The following HOXA3 variants were observed in gnomAD, a reference collection of about 807,000 sequenced individuals.
HOXA3 encodes the protein homeobox protein Hox-A3.
A neutral mutation model predicts 30.3 loss-of-function variants in HOXA3; 8 were observed. That is an observed-to-expected ratio of 0.26 (90% CI 0.15 to 0.48). The LOEUF is 0.48. HOXA3 is among the 20% of genes least tolerant of loss of function. HOXA3 has a pLI of 0.99. For missense variants in HOXA3, 653 were observed against 614.4 expected, an observed-to-expected ratio of 1.06 and a Z score of -0.66; for synonymous variants, 323 against 273.1, an observed-to-expected ratio of 1.18 and a Z score of -1.80.
Position 27,108,791 on chromosome 7 carries a change from G to T in HOXA3, c.527-71C>A. 1 of 1,172,734 alleles carries T rather than the reference G, an allele frequency of 8.5e-7. No homozygotes were observed. Among genetic ancestry groups the T allele is most frequent in the Non-Finnish European group, 1.2e-6 (1 of 861,800 alleles). The allele number at this position is 1,172,734 out of a possible 1,614,324, so 72.6% of individuals were successfully genotyped here. A position where few individuals can be genotyped will look rare whatever the true frequency, so the allele number is the denominator to read the frequency against. On this transcript the variant is annotated intron_variant, in intron 5 of 5. Transcript: ENST00000612286. This position sits in a 1 kb window ranked among gnomAD's most constrained non-coding sequence, Gnocchi z 5.0. ...CCCCGCCCAGCCCCTGACCCAGCCC[G>T]GCCCCTCCTTCCACCAGGCCCCAAA...
At chr7:27,131,187 G>A (rs1785548466) in intron 2 of HOXA3, among the ~76,000 whole-genome samples, 2 of 152,186 alleles carry the variant, frequency 1.3e-5, no homozygotes, top group South Asian at 4.1e-4. Context: ...GCTGTCTGGC[G>A]GCCGCGACTC....
intron 5 of HOXA3, 146 bp downstream of exon 5, chr7:27,109,969 T>C (rs747594091): frequency 1.2e-5 from 12 of 1,008,196 alleles, no homozygotes; most frequent in Non-Finnish European, 1.6e-5. Flanking sequence ...GCAAAGACTA[T>C]GAAAACCTTT....
chr7:27,135,369 T>A (rs945901982), intron 2 of HOXA3, among the ~76,000 whole-genome samples: 2 of 152,118 alleles, frequency 1.3e-5, no homozygotes, highest in African/African-American at 4.8e-5. Context: ...GGTTTAATAA[T>A]AAACATTAAA....
chr7:27,110,572 C>T lies in HOXA3; in HGVS notation c.69G>A (p.Gly23=), dbSNP rs377605455. The change falls in exon 5 of 6, where the codon GGG becomes GGA. Residue 23 remains glycine, a synonymous_variant. Transcript: ENST00000612286. ...YGGYPYQAAN[G]FAYNANQQPY... Reference sequence around the variant, plus strand: ...GCTGCTGATTGGCATTATAAGCGAACCCGTTGGCTGCCTGGTAGGGGTAGC... The same window carrying T: ...GCTGCTGATTGGCATTATAAGCGAATCCGTTGGCTGCCTGGTAGGGGTAGC... 1.2e-4 allele frequency: 200 copies of T among 1,607,276 alleles called. 1 individual carries two copies. The South Asian group carries it at 2.0e-3, about 16-fold the overall frequency.
rs1408087055 is a variant in HOXA3 at position 27,113,230 on chromosome 7, A to C, written c.-120-2470T>G. On this transcript the variant is annotated intron_variant, in intron 4 of 5. Coordinates refer to ENST00000612286, the MANE Select transcript of HOXA3 (RefSeq NM_153631.3). The surrounding 1 kb of genome is among the most constrained non-coding windows in gnomAD (Gnocchi z 4.8). ...GAGTTGAAGAGGCTAAATTGAGTGCAAGAAGCAAGCCCTATTGTCTCTCTG... is the reference window on the plus strand; with the variant it reads ...GAGTTGAAGAGGCTAAATTGAGTGCCAGAAGCAAGCCCTATTGTCTCTCTG... Among the ~76,000 whole-genome samples the C allele has an allele frequency of 1.3e-5, 2 of 152,236 alleles. No individual in the cohort carries two copies. Among genetic ancestry groups the C allele is most frequent in the Non-Finnish European group, 2.9e-5 (2 of 68,052 alleles).
chr7:27,140,359 T>C (rs954791894), intron 1 of HOXA3, 173 bp from the exon 2 acceptor site: 12 of 152,206 alleles, frequency 7.9e-5, no homozygotes, highest in African/African-American at 2.9e-4. Context: ...ATCTAATTCA[T>C]AGACAAAACC....
intron 4 of HOXA3, among the ~76,000 whole-genome samples, chr7:27,119,904 T>C (rs200825483): frequency 1.3e-5 from 2 of 152,278 alleles, no homozygotes; most frequent in East Asian, 3.9e-4. Flanking sequence ...AGAACCTCCA[T>C]GTGAACTTTT....
At position 27,112,132 on chromosome 7, in the gene HOXA3, A is replaced by C. The variant is rs555006190; in HGVS notation, c.-120-1372T>G. Among the ~76,000 whole-genome samples the C allele has an allele frequency of 5.1e-4, 77 of 152,358 alleles. 2 individuals carry two copies. Among genetic ancestry groups the C allele is most frequent in the Non-Finnish European group, 1.0e-3 (68 of 68,032 alleles). ...TTTTGTTTTCAACCACTGCATGGTC[A>C]ACCTCTAGTTCTCAGCACAGAAAAG... On this transcript the variant is annotated intron_variant, in intron 4 of 5. Coordinates refer to ENST00000612286, the MANE Select transcript of HOXA3 (RefSeq NM_153631.3).
intron 1 of HOXA3, chr7:27,147,745 C>A: frequency 1.9e-6 from 3 of 1,604,760 alleles, no homozygotes; most frequent in Non-Finnish European, 2.5e-6. Flanking sequence ...AAAATAGGAA[C>A]TCATTTGCGC....
chr7:27,122,848 T>A (rs1331061169), intron 3 of HOXA3: 1 of 152,230 alleles, frequency 6.6e-6, no homozygotes, highest in African/African-American at 2.4e-5. Flanking sequence ...TGGTGATTTA[T>A]TTTTGTAAAA....
intron 5 of HOXA3, 157 bp downstream of exon 5, chr7:27,109,958 T>C: frequency 1.2e-6 from 1 of 855,182 alleles, no homozygotes; most frequent in Non-Finnish European, 1.8e-6. Flanking sequence ...CTCCCTAAGT[T>C]GCAAAGACTA....
chr7:27,141,858 C>T, intron 1 of HOXA3: 1 of 1,614,192 alleles, frequency 6.2e-7, no homozygotes, highest in Non-Finnish European at 8.5e-7. Flanking sequence ...GCCCCTCCTG[C>T]CGCGGCCATG....
chr7:27,108,345 G>C lies in HOXA3; in HGVS notation c.902C>G (p.Pro301Arg). Residue 301 changes from proline to arginine, a missense_variant, in exon 6 of 6, where the codon CCC becomes CGC. Physicochemically the swap from Pro to Arg is moderately radical, Grantham distance 103. This residue lies in a region of HOXA3 where 330 missense variants were observed against 274.4 expected (regional missense o/e 1.20). Transcript: ENST00000612286. The surrounding 1 kb of genome is among the most constrained non-coding windows in gnomAD (Gnocchi z 5.0). Reference protein sequence around the residue: ...PQSPPPFSKPPQGTYGLPPAS... With the variant: ...PQSPPPFSKPRQGTYGLPPAS... ...GGGGGGCAGCCCGTAGGTACCCTGG[G>C]GGGGCTTGGAGAAGGGCGGGGGCGA... is the stretch of plus-strand genomic sequence containing the variant. The C allele has an allele frequency of 1.3e-6, 2 of 1,518,512 alleles. No individual in the cohort carries two copies. Among genetic ancestry groups the C allele is most frequent in the Non-Finnish European group, 1.8e-6 (2 of 1,118,440 alleles). The allele number at this position is 1,518,512 out of a possible 1,614,324, so 94.1% of individuals were successfully genotyped here.
chr7:27,108,895 C>A lies in HOXA3; in HGVS notation c.527-175G>T, dbSNP rs1784198320. On this transcript the variant is annotated intron_variant, in intron 5 of 5. Transcript: ENST00000612286. This position sits in a 1 kb window ranked among gnomAD's most constrained non-coding sequence, Gnocchi z 5.0. ...TCTCCTGGTGGGTAAAACAGTGATACTCCCTCATTTAGCCAAGGAGCAAAT... is the reference window on the plus strand; with the variant it reads ...TCTCCTGGTGGGTAAAACAGTGATAATCCCTCATTTAGCCAAGGAGCAAAT... Among the ~76,000 whole-genome samples, 3 of 152,028 alleles carry A rather than the reference C, an allele frequency of 2.0e-5. No homozygotes were observed. Among genetic ancestry groups the A allele is most frequent in the African/African-American group, 7.3e-5 (3 of 41,376 alleles).
chr7:27,126,041 A>G (rs1562720305), intron 3 of HOXA3, among the ~76,000 whole-genome samples: 4 of 152,164 alleles, frequency 2.6e-5, no homozygotes, highest in South Asian at 2.1e-4. Context: ...TAATCTTCCC[A>G]TGGCTCCATC....
rs1050271 is a variant in HOXA3 at position 27,130,662 on chromosome 7, C to A, written c.-389-3592G>T. The A allele has an allele frequency of 2.5e-6, 4 of 1,605,920 alleles. No homozygotes were observed. In the African/African-American group the frequency reaches 4.0e-5, roughly 16 times the overall value. Reference sequence around the variant, plus strand: ...CTGCGCCGCCCGAGCCGCTGTGCTGCGCGTACTCCTCGAAGGGAGGGAACT... The same window carrying A: ...CTGCGCCGCCCGAGCCGCTGTGCTGAGCGTACTCCTCGAAGGGAGGGAACT... On this transcript the variant is annotated intron_variant, in intron 2 of 5. Transcript: ENST00000612286.
chr7:27,147,203 A>T, intron 1 of HOXA3: 6 of 1,144,460 alleles, frequency 5.2e-6, no homozygotes, highest in Non-Finnish European at 7.4e-6. Context: ...TGGTTCTTTC[A>T]TCCTTTCTTT....
intron 2 of HOXA3, chr7:27,134,152 C>G (rs914030285): frequency 1.3e-5 from 2 of 152,216 alleles, no homozygotes; most frequent in Non-Finnish European, 2.9e-5. Flanking sequence ...GGCAGAATTT[C>G]AAAACGCCTG....
rs1388727727 is a variant in HOXA3 at position 27,145,202 on chromosome 7, C to A, written c.-493-5016G>T. Among the ~76,000 whole-genome samples, 6 of 152,288 alleles carry A rather than the reference C, an allele frequency of 3.9e-5. No individual in the cohort carries two copies. In the South Asian group the frequency reaches 1.0e-3, roughly 26 times the overall value. On this transcript the variant is annotated intron_variant, in intron 1 of 5. Coordinates refer to ENST00000612286, the MANE Select transcript of HOXA3 (RefSeq NM_153631.3). ...CCAGAGATGATTTGATGATGCCCTT[C>A]GGGACTTACTGGCGAGGGACTTAGG...
Sources: gnomAD v4.1 joint callset for allele counts (sites outside exome capture counted in the v4.1 genomes callset) on GRCh38, gnomAD v4.1.1 for gene constraint, gnomAD v4.1.1 regional missense constraint, Gnocchi (gnomAD v3.1) non-coding constraint, MANE v1.5 for transcripts, NCBI Gene and HGNC (gene_info 2026-07-23, HGNC 2026-07-21) for gene names.